CDH13: variants seen among roughly 807,000 people sequenced by gnomAD.
CDH13 encodes cadherin 13.
In CDH13, 24 loss-of-function variants were observed where a neutral mutation model predicts 63.8. The observed-to-expected ratio is 0.38, with a 90% CI of 0.27 to 0.53. The LOEUF (loss-of-function observed/expected upper bound fraction) is 0.53. Among genes scored for constraint, CDH13 ranks in the 20% least tolerant of loss-of-function variants. The probability of loss-of-function intolerance (pLI) is 0.85; values close to 1 mark genes in which losing one functional copy is unlikely to be tolerated. For synonymous variants in CDH13, 503 were observed against 355.3 expected (o/e 1.42, Z -4.67); for missense variants, 1,049 against 903.1 (o/e 1.16, Z -2.07).
chr16:83,212,117 C>T (rs1262790701), intron 4 of CDH13, among the ~76,000 whole-genome samples: 2 of 152,142 alleles, frequency 1.3e-5, no homozygotes, highest in African/African-American at 4.8e-5. Flanking sequence ...CAAAGGGCTG[C>T]AGGCTCAGCT....
chr16:83,337,406 T>C (rs923509232), intron 5 of CDH13, among the ~76,000 whole-genome samples: 5 of 152,008 alleles, frequency 3.3e-5, no homozygotes, highest in African/African-American at 1.2e-4. Context: ...GCCCCTTTTT[T>C]CCTCCCATTC....
intron 1 of CDH13, among the ~76,000 whole-genome samples, chr16:82,718,485 A>T (rs2032539981): frequency 1.3e-5 from 2 of 152,170 alleles, no homozygotes; most frequent in Admixed American, 1.3e-4. Context: ...GAAGAAGGAG[A>T]AAGTGTTAAG....
chr16:83,023,136 C>G (rs1447720309), intron 2 of CDH13: 1 of 152,140 alleles, frequency 6.6e-6, no homozygotes, highest in Non-Finnish European at 1.5e-5. Context: ...TCAAACTTGC[C>G]ATTTCAATTG....
At chr16:83,372,149 C>G (rs554627694) in intron 6 of CDH13, among the ~76,000 whole-genome samples, 1 of 152,224 alleles carries the variant, frequency 6.6e-6, no homozygotes, top group Non-Finnish European at 1.5e-5. Context: ...TCACTCATTC[C>G]CAGTTTGCAA....
At chr16:82,692,102 A>C (rs1915702242) in intron 1 of CDH13, among the ~76,000 whole-genome samples, 1 of 152,176 alleles carries the variant, frequency 6.6e-6, no homozygotes. Flanking sequence ...AAAGTACATG[A>C]ATTATATTGT....
Position 82,644,953 on chromosome 16 carries a change from G to T in CDH13, c.45+17816G>T, listed in dbSNP as rs1909910194. On this transcript the variant is annotated intron_variant, in intron 1 of 13. Transcript: ENST00000567109. This position sits in a 1 kb window ranked among gnomAD's most constrained non-coding sequence, Gnocchi z 5.7. ...ATTACTTGTATAAACTAATATTTTG[G>T]AAAACTCTGGAGTTAGAGAAGTGGA... Among the ~76,000 whole-genome samples the T allele has an allele frequency of 6.6e-6, 1 of 152,148 alleles. No homozygotes were observed. The highest frequency in any genetic ancestry group is 1.5e-5 in the Non-Finnish European group (1 of 68,020).
chr16:83,051,903 T>G (rs907239930), intron 3 of CDH13, among the ~76,000 whole-genome samples: 1 of 152,344 alleles, frequency 6.6e-6, no homozygotes, highest in Non-Finnish European at 1.5e-5. Context: ...CTTGATTTAT[T>G]TGGACTATGG....
intron 4 of CDH13, among the ~76,000 whole-genome samples, chr16:83,128,365 T>C (rs1243229396): frequency 6.6e-6 from 1 of 152,188 alleles, no homozygotes; most frequent in Non-Finnish European, 1.5e-5. Flanking sequence ...CCAAAACCAC[T>C]GAGCCAAAAA....
chr16:82,723,467 T>A (rs1248816750), intron 1 of CDH13, among the ~76,000 whole-genome samples: 1 of 152,166 alleles, frequency 6.6e-6, no homozygotes, highest in Non-Finnish European at 1.5e-5. Context: ...CTGTGGGATG[T>A]GGGATGATGT....
chr16:83,125,148 T>C (rs945673017), intron 3 of CDH13, among the ~76,000 whole-genome samples: 10 of 152,218 alleles, frequency 6.6e-5, no homozygotes, highest in African/African-American at 2.2e-4. Flanking sequence ...TCATTGTGAA[T>C]AGAATGATTT....
intron 11 of CDH13, among the ~76,000 whole-genome samples, chr16:83,760,044 C>G (rs1913837924): frequency 6.6e-6 from 1 of 150,770 alleles, no homozygotes; most frequent in Admixed American, 6.6e-5. Flanking sequence ...AGAAAATACA[C>G]AAATCCTAAC....
At chr16:82,846,749 A>G (rs892596883) in intron 1 of CDH13, among the ~76,000 whole-genome samples, 2 of 152,192 alleles carry the variant, frequency 1.3e-5, no homozygotes, top group African/African-American at 4.8e-5. Flanking sequence ...CATCTCTAGT[A>G]TCTAGGCCAG....
Position 83,274,926 on chromosome 16 carries a change from T to G in CDH13, c.636+57429T>G, listed in dbSNP as rs528939408. Among the ~76,000 whole-genome samples, 8 of 152,326 alleles carry G rather than the reference T, an allele frequency of 5.3e-5. 1 individual carries two copies. The highest frequency in any genetic ancestry group is 3.4e-3 in the Middle Eastern group (1 of 294). On this transcript the variant is annotated intron_variant, in intron 5 of 13. Coordinates refer to ENST00000567109, the MANE Select transcript of CDH13 (RefSeq NM_001257.5). ...TTTATTCCATTTAGGTGTGTTCAAA[T>G]GGTGTCATCTCAGTGAGCCCTCCTC...
At chr16:83,057,209 C>G (rs1055077492) in intron 3 of CDH13, among the ~76,000 whole-genome samples, 1 of 152,200 alleles carries the variant, frequency 6.6e-6, no homozygotes, top group Non-Finnish European at 1.5e-5. Context: ...TCGTGATCCA[C>G]CTGCCTGGGC....
intron 10 of CDH13, among the ~76,000 whole-genome samples, chr16:83,725,183 G>T (rs962747425): frequency 6.6e-6 from 1 of 152,208 alleles, no homozygotes; most frequent in Admixed American, 6.5e-5. Flanking sequence ...GGACAGCTGG[G>T]CTCAGACTTG....
At position 83,699,163 on chromosome 16, in the gene CDH13, G is replaced by A. The variant is rs981449131; in HGVS notation, c.1538+20702G>A. 5.9e-5 allele frequency among the ~76,000 whole-genome samples: 9 copies of A among 152,316 alleles called. No individual in the cohort carries two copies. The South Asian group carries it at 1.5e-3, about 25-fold the overall frequency. ...TTATAAGACATGGCCCCCAAAGCACGGGCATTGTGAAACATGCTAACCAGA... is the reference window on the plus strand; with the variant it reads ...TTATAAGACATGGCCCCCAAAGCACAGGCATTGTGAAACATGCTAACCAGA... On this transcript the variant is annotated intron_variant, in intron 10 of 13. Transcript: ENST00000567109.
intron 4 of CDH13, among the ~76,000 whole-genome samples, chr16:83,191,528 CACATATATATATAT>C (rs1241448233): frequency 2.6e-4 from 18 of 70,084 alleles, no homozygotes; most frequent in African/African-American, 9.5e-4. Context: ...CACACACACA[CACATATATATATAT>C]ATATATATAT....
intron 5 of CDH13, among the ~76,000 whole-genome samples, chr16:83,259,085 G>C (rs1220621178): frequency 6.6e-6 from 1 of 152,204 alleles, no homozygotes; most frequent in Non-Finnish European, 1.5e-5. Flanking sequence ...AGCCAGGGCT[G>C]TGGTAGGATG....
chr16:83,631,090 G>A (rs1567468244), intron 8 of CDH13, among the ~76,000 whole-genome samples: 2 of 152,178 alleles, frequency 1.3e-5, no homozygotes, highest in African/African-American at 4.8e-5. Context: ...CCTCAGTTCT[G>A]CATTTGCTGG....
Sources: allele counts gnomAD v4.1 joint callset (sites outside exome capture counted in the v4.1 genomes callset), GRCh38; gene constraint gnomAD v4.1.1; non-coding constraint Gnocchi (gnomAD v3.1); transcripts MANE v1.5; gene names NCBI Gene and HGNC (gene_info 2026-07-23, HGNC 2026-07-21).